The following FBXL2 variants were observed in gnomAD, a reference collection of about 807,000 sequenced individuals.
FBXL2 encodes F-box and leucine rich repeat protein 2, also known as F-box/LRR-repeat protein 2.
Under a neutral mutation model 69.2 loss-of-function variants are expected in FBXL2, and 38 were observed. The observed-to-expected ratio is 0.55, with a 90% CI of 0.42 to 0.72. The LOEUF is 0.72. Among genes scored for constraint, FBXL2 ranks in the 30% least tolerant of loss-of-function variants. The pLI is 0.00. For synonymous variants in FBXL2, 192 were observed against 201.3 expected (o/e 0.95, Z 0.39); for missense variants, 354 against 520.3 (o/e 0.68, Z 3.11).
At chr3:33,279,226 A>G (rs1296679809) in intron 1 of FBXL2, among the ~76,000 whole-genome samples, 3 of 151,858 alleles carry the variant, frequency 2.0e-5, no homozygotes, top group Non-Finnish European at 4.4e-5. Flanking sequence ...TACAGGAGGG[A>G]GAGGGATGAA....
At chr3:33,315,210 T>A (rs891464326) in intron 2 of FBXL2, among the ~76,000 whole-genome samples, 6 of 151,908 alleles carry the variant, frequency 3.9e-5, no homozygotes, top group African/African-American at 9.7e-5. Flanking sequence ...TTCTTTTTCT[T>A]TCTCCTTTCC....
At chr3:33,393,341 T>C (rs772206116) in intron 12 of FBXL2, 3 of 1,609,348 alleles carry the variant, frequency 1.9e-6, no homozygotes, top group South Asian at 2.2e-5. Context: ...TGAATACCGG[T>C]GGGACCCTGT....
In FBXL2 at chr3:33,362,791, G is replaced by C. The variant is rs949420876; in HGVS notation, c.196-1834G>C. 3.3e-5 allele frequency among the ~76,000 whole-genome samples: 5 copies of C among 151,082 alleles called. No homozygotes were observed. The East Asian group carries it at 5.8e-4, about 18-fold the overall frequency. ...TGCTCTATTTGTAGACATTGGTGTA[G>C]AGCTGCTTTTTTTTTTCCTGTTTAT... is the stretch of plus-strand genomic sequence containing the variant. On this transcript the variant is annotated intron_variant, in intron 4 of 14. Transcript: ENST00000484457.
intron 12 of FBXL2, chr3:33,393,201 G>T: frequency 1.8e-6 from 2 of 1,123,676 alleles, no homozygotes; most frequent in Admixed American, 3.1e-5. Context: ...CTCTGAAAAT[G>T]ATTCTCATAA....
chr3:33,408,799 TG>T, the FBXL2 span: 1 of 1,612,238 alleles, frequency 6.2e-7, no homozygotes, highest in Non-Finnish European at 8.5e-7. Flanking sequence ...AAGCCTCATC[TG>T]GACAAACACC....
At chr3:33,417,318 G>T in the FBXL2 span, among the ~76,000 whole-genome samples, 16 of 144,288 alleles carry the variant, frequency 1.1e-4, no homozygotes, top group Admixed American at 9.9e-4. Context: ...AACTGCTAGC[G>T]ATCACCAATC....
At chr3:33,370,447 A>G (rs2042224441) in intron 5 of FBXL2, among the ~76,000 whole-genome samples, 1 of 151,252 alleles carries the variant, frequency 6.6e-6, no homozygotes, top group African/African-American at 2.4e-5. Context: ...TGAGTCTAGA[A>G]TTCTGTAGTG....
intron 13 of FBXL2, chr3:33,383,383 C>A (rs1399846686): frequency 6.5e-6 from 1 of 153,522 alleles, no homozygotes; most frequent in Admixed American, 6.4e-5. Flanking sequence ...ACATAAATGT[C>A]ATTTGGCTAT....
chr3:33,390,232 A>G (rs1410794536), downstream of FBXL2: 6 of 1,223,288 alleles, frequency 4.9e-6, no homozygotes, highest in African/African-American at 4.5e-5. Flanking sequence ...GAAACATTTC[A>G]TATGGTAAAA....
At chr3:33,353,557 T>C (rs2040982106) in intron 2 of FBXL2, among the ~76,000 whole-genome samples, 2 of 152,192 alleles carry the variant, frequency 1.3e-5, no homozygotes, top group Non-Finnish European at 2.9e-5. Context: ...ATTCCAATCA[T>C]ATGGCATCTG....
intron 1 of FBXL2, among the ~76,000 whole-genome samples, chr3:33,284,212 C>G (rs1008917718): frequency 1.3e-5 from 2 of 152,228 alleles, no homozygotes; most frequent in African/African-American, 2.4e-5. Context: ...CCTCTACACA[C>G]TGCTTTAAAT....
chr3:33,398,145 A>G (rs2044079989), intron 12 of FBXL2: 1 of 152,202 alleles, frequency 6.6e-6, no homozygotes, highest in Non-Finnish European at 1.5e-5. Context: ...TTTATTCTCT[A>G]ACACCCAGGA....
At chr3:33,352,629 C>T (rs908985287) in intron 2 of FBXL2, among the ~76,000 whole-genome samples, 1 of 152,196 alleles carries the variant, frequency 6.6e-6, no homozygotes, top group Admixed American at 6.5e-5. Flanking sequence ...GGCTCTGTGG[C>T]TCACGCCTGT....
At chr3:33,287,851 G>A (rs2034808178) in intron 1 of FBXL2, among the ~76,000 whole-genome samples, 1 of 152,184 alleles carries the variant, frequency 6.6e-6, no homozygotes, top group African/African-American at 2.4e-5. Flanking sequence ...AAGATTAAGA[G>A]TCTTAATGTC....
At chr3:33,390,381 GAA>G, downstream of FBXL2, 1 of 1,613,774 alleles carries the variant, frequency 6.2e-7, no homozygotes, top group African/African-American at 1.3e-5. Flanking sequence ...GCAGAAAAAG[GAA>G]AGACAGTATT....
At chr3:33,298,640 G>A (rs1235054211) in intron 2 of FBXL2, among the ~76,000 whole-genome samples, 1 of 145,498 alleles carries the variant, frequency 6.9e-6, no homozygotes, top group Non-Finnish European at 1.5e-5. Flanking sequence ...AGGTTGCAGT[G>A]AGCCTAGCCT....
At chr3:33,380,138 C>A (rs1433016043) in intron 13 of FBXL2, among the ~76,000 whole-genome samples, 4 of 150,258 alleles carry the variant, frequency 2.7e-5, no homozygotes, top group Admixed American at 2.0e-4. Flanking sequence ...GACAGGGGAA[C>A]TGCTTGAACC....
chr3:33,391,049 C>G (rs909034902), downstream of FBXL2: 1 of 152,282 alleles, frequency 6.6e-6, no homozygotes, highest in Non-Finnish European at 1.5e-5. Flanking sequence ...GTCAGTTATG[C>G]AAGGTAAAAA....
At chr3:33,397,384 G>A (rs750619763) in intron 12 of FBXL2, 15 of 324,640 alleles carry the variant, frequency 4.6e-5, no homozygotes, top group Non-Finnish European at 7.8e-5. Flanking sequence ...AAATCAATGA[G>A]AGCAGGGCCT....
Sources: gnomAD v4.1 joint callset for allele counts (sites outside exome capture counted in the v4.1 genomes callset) on GRCh38, gnomAD v4.1.1 for gene constraint, MANE v1.5 for transcripts, NCBI Gene and HGNC (gene_info 2026-07-23, HGNC 2026-07-21) for gene names.